The following PRUNE2 variants were observed in gnomAD, a reference collection of about 807,000 sequenced individuals.
The protein encoded by PRUNE2 is protein prune homolog 2.
Under a neutral mutation model 252.0 loss-of-function variants are expected in PRUNE2, and 164 were observed. That is an observed-to-expected ratio of 0.65 (90% CI 0.57 to 0.74). The LOEUF (loss-of-function observed/expected upper bound fraction) is 0.74, where lower values mean the gene tolerates loss of function less well. Among genes scored for constraint, PRUNE2 ranks in the 30% least tolerant of loss-of-function variants. PRUNE2 has a pLI of 0.00. For synonymous variants in PRUNE2, 1,292 were observed against 1,350.2 expected (o/e 0.96, Z 0.94); for missense variants, 3,495 against 3,711.0 (o/e 0.94, Z 1.51).
intron 6 of PRUNE2, among the ~76,000 whole-genome samples, chr9:76,734,793 C>T (rs1309596707): frequency 2.0e-5 from 3 of 152,158 alleles, no homozygotes; most frequent in East Asian, 1.9e-4. Flanking sequence ...CACTTGGCCA[C>T]GGTGATGGTT....
intron 6 of PRUNE2, among the ~76,000 whole-genome samples, chr9:76,735,811 C>A (rs2049025754): frequency 6.6e-6 from 1 of 151,970 alleles, no homozygotes. Context: ...TTGGTGATAC[C>A]CATTTAACAG....
intron 6 of PRUNE2, among the ~76,000 whole-genome samples, chr9:76,746,570 T>C (rs1467086551): frequency 1.3e-5 from 2 of 151,124 alleles, no homozygotes; most frequent in Non-Finnish European, 3.0e-5. Context: ...CCGGGCGCGG[T>C]GGCGGGCGCC....
intron 4 of PRUNE2, among the ~76,000 whole-genome samples, chr9:76,829,587 G>C (rs922118978): frequency 6.6e-6 from 1 of 152,090 alleles, no homozygotes; most frequent in Non-Finnish European, 1.5e-5. Flanking sequence ...TGACAGAGTT[G>C]AGTAGTTTCA....
intron 1 of PRUNE2, among the ~76,000 whole-genome samples, chr9:76,879,419 G>A (rs961221165): frequency 2.0e-5 from 3 of 152,182 alleles, no homozygotes; most frequent in Admixed American, 6.5e-5. Context: ...CAACATCAGT[G>A]AACAAATATT....
intron 6 of PRUNE2, among the ~76,000 whole-genome samples, chr9:76,799,924 T>A (rs1033702437): frequency 6.6e-6 from 1 of 152,128 alleles, no homozygotes; most frequent in African/African-American, 2.4e-5. Flanking sequence ...AAAAAGAGGC[T>A]GTGAGACCCG....
chr9:76,891,596 G>A (rs530035465), intron 1 of PRUNE2, among the ~76,000 whole-genome samples: 16 of 152,296 alleles, frequency 1.1e-4, no homozygotes, highest in African/African-American at 3.1e-4. Flanking sequence ...AAAGAAAAGC[G>A]GCATCAGGAT....
chr9:76,641,164 A>G (rs1842418090), intron 12 of PRUNE2, among the ~76,000 whole-genome samples: 1 of 152,192 alleles, frequency 6.6e-6, no homozygotes, highest in African/African-American at 2.4e-5. Flanking sequence ...ATCGCTGTCT[A>G]AGTAAGAAAT....
intron 11 of PRUNE2, 43 bp from the exon 12 acceptor site, chr9:76,644,952 C>A: frequency 6.4e-7 from 1 of 1,573,202 alleles, no homozygotes; most frequent in East Asian, 2.3e-5. Flanking sequence ...GGAGCAAGAC[C>A]TCCACAGTGC....
rs1319261699 is a variant in PRUNE2, at chr9:76,710,545, G to A, written c.1729C>T (p.Pro577Ser). 3 of 1,613,894 alleles carry A rather than the reference G, an allele frequency of 1.9e-6. No individual in the cohort carries two copies. Among genetic ancestry groups the A allele is most frequent in the Non-Finnish European group, 2.5e-6 (3 of 1,179,850 alleles). ...DEEFVQRQDSPRDNSERNLSL... is the reference protein window; with the variant it reads ...DEEFVQRQDSSRDNSERNLSL... ...AAATTTCTTTCAGAGTTATCTCTGG[G>A]ACTGTCTTGTCTCTGGACAAACTCC... Residue 577 changes from proline to serine, a missense_variant, in exon 8 of 19, where the codon CCC (proline) becomes TCC (serine). Transcript: ENST00000376718.
intron 1 of PRUNE2, among the ~76,000 whole-genome samples, chr9:76,875,982 CTG>C (rs1195065638): frequency 1.3e-5 from 2 of 152,118 alleles, no homozygotes; most frequent in Non-Finnish European, 1.5e-5. Flanking sequence ...GCCCAGTTAT[CTG>C]TGTTTTGAAC....
At chr9:76,762,733 G>C (rs1389913119) in intron 6 of PRUNE2, among the ~76,000 whole-genome samples, 2 of 152,132 alleles carry the variant, frequency 1.3e-5, no homozygotes, top group African/African-American at 4.8e-5. Flanking sequence ...ATGAGATTGA[G>C]CTCCAGAGTC....
Position 76,807,051 on chromosome 9 carries a change from T to TGTGTGCGCGCGC in PRUNE2, c.756+16580_756+16581insGCGCGCGCACAC, listed in dbSNP as rs60768420. On this transcript the variant is annotated intron_variant, in intron 6 of 18. Transcript: ENST00000376718. ...GTGTGTGTGTGTGTGTGTGTGTGTGTGCGCGCGCGCGTGTGTCTGTCTCTC... is the reference window on the plus strand; with the variant it reads ...GTGTGTGTGTGTGTGTGTGTGTGTGTGTGTGCGCGCGCGCGCGCGCGCGTGTGTCTGTCTCTC... Among the ~76,000 whole-genome samples, 281 of 139,448 alleles carry TGTGTGCGCGCGC rather than the reference T, an allele frequency of 2.0e-3. 2 individuals carry two copies. Among genetic ancestry groups the TGTGTGCGCGCGC allele is most frequent in the East Asian group, 1.0e-2 (48 of 4,806 alleles). The allele number at this position is 139,448 out of a possible 152,430, so 91.5% of individuals were successfully genotyped here.
At chr9:76,620,138 TA>T (rs1831538009) in intron 17 of PRUNE2, among the ~76,000 whole-genome samples, 2 of 119,436 alleles carry the variant, frequency 1.7e-5, no homozygotes, top group South Asian at 5.8e-4. Flanking sequence ...ACCCCTCCCA[TA>T]ATTTTTTTTT....
chr9:76,859,202 G>A (rs576076955), intron 1 of PRUNE2, among the ~76,000 whole-genome samples: 2 of 152,238 alleles, frequency 1.3e-5, no homozygotes, highest in Admixed American at 1.3e-4. Context: ...ATGTAAAAAA[G>A]AAAGTATATT....
rs1173427880 is a variant in PRUNE2 at position 76,612,763 on chromosome 9, A to G, written c.*1807T>C. On this transcript the variant is annotated 3_prime_UTR_variant, in exon 19 of 19. Coordinates refer to ENST00000376718, the MANE Select transcript of PRUNE2 (RefSeq NM_015225.3). The stretch of plus-strand genomic sequence containing the variant: ...ACTGCGTGTGTGTGGGCACGTGCGG[A>G]AGGACGGGAGGAGACAGAGGTGAAG... The G allele has an allele frequency of 6.6e-6, 1 of 152,384 alleles. No individual in the cohort carries two copies. Among genetic ancestry groups the G allele is most frequent in the Non-Finnish European group, 1.5e-5 (1 of 68,186 alleles). 9.4% of individuals were successfully genotyped at this position (152,384 alleles called of 1,614,324 possible). A position where few individuals can be genotyped will look rare whatever the true frequency, so the allele number is the denominator to read the frequency against.
chr9:76,855,956 AT>A (rs1208026296), intron 1 of PRUNE2, among the ~76,000 whole-genome samples: 1 of 152,232 alleles, frequency 6.6e-6, no homozygotes, highest in Non-Finnish European at 1.5e-5. Flanking sequence ...ACAGTCAAAT[AT>A]TCTAGAAGCT....
intron 3 of PRUNE2, among the ~76,000 whole-genome samples, chr9:76,848,092 C>T (rs1462445978): frequency 2.0e-5 from 3 of 152,098 alleles, no homozygotes; most frequent in South Asian, 2.1e-4. Context: ...GGTGAAACCC[C>T]GTCTCTACTA....
intron 1 of PRUNE2, among the ~76,000 whole-genome samples, chr9:76,896,532 T>C (rs188374651): frequency 1.2e-4 from 18 of 152,340 alleles, no homozygotes; most frequent in African/African-American, 3.1e-4. Context: ...AGGATGTTCA[T>C]ACTTGCTTCC....
At chr9:76,759,926 T>C (rs1428679060) in intron 6 of PRUNE2, 2 of 152,384 alleles carry the variant, frequency 1.3e-5, no homozygotes, top group Middle Eastern at 3.4e-3. Context: ...CCTCCTCCCA[T>C]AAGGGGTTTG....
Sources: gnomAD v4.1 joint callset for allele counts (sites outside exome capture counted in the v4.1 genomes callset) on GRCh38, gnomAD v4.1.1 for gene constraint, MANE v1.5 for transcripts, NCBI Gene and HGNC (gene_info 2026-07-23, HGNC 2026-07-21) for gene names.